The following CDC42BPB variants were observed in gnomAD, a reference collection of about 807,000 sequenced individuals.
The protein encoded by CDC42BPB is serine/threonine-protein kinase MRCK beta.
Under a neutral mutation model 214.9 loss-of-function variants are expected in CDC42BPB, and 37 were observed. The ratio of observed to expected loss-of-function variants is 0.17; its 90% CI spans 0.13 to 0.23. CDC42BPB has a LOEUF of 0.23. CDC42BPB is among the 10% of genes least tolerant of loss of function. The pLI is 1.00. For synonymous variants in CDC42BPB, 931 were observed against 884.0 expected (o/e 1.05, Z -0.94); for missense variants, 1,694 against 2,227.0 (o/e 0.76, Z 4.82).
chr14:103,028,892 T>C (rs887425723), intron 1 of CDC42BPB, among the ~76,000 whole-genome samples: 2 of 152,236 alleles, frequency 1.3e-5, no homozygotes, highest in African/African-American at 4.8e-5. Flanking sequence ...TTTTTCATCC[T>C]AGCATAGATC....
intron 6 of CDC42BPB, chr14:102,986,219 C>CAAG (rs1894242481): frequency 7.2e-5 from 27 of 374,078 alleles, no homozygotes; most frequent in South Asian, 4.7e-4. Flanking sequence ...TTTTAGCCAC[C>CAAG]TTGGGATTGA....
chr14:103,008,917 G>A (rs778981224), intron 2 of CDC42BPB, among the ~76,000 whole-genome samples: 2 of 152,212 alleles, frequency 1.3e-5, no homozygotes, highest in Admixed American at 6.5e-5. Context: ...CACTCAGCGC[G>A]CGGCCACCAG....
chr14:103,040,923 G>A (rs1887953883), intron 1 of CDC42BPB, among the ~76,000 whole-genome samples: 1 of 152,148 alleles, frequency 6.6e-6, no homozygotes, highest in Non-Finnish European at 1.5e-5. Context: ...CTGACAAGCT[G>A]TTCCTAAAAT....
At chr14:102,938,871 A>G (rs1028604101) in intron 34 of CDC42BPB, among the ~76,000 whole-genome samples, 1 of 150,804 alleles carries the variant, frequency 6.6e-6, no homozygotes, top group African/African-American at 2.4e-5. Context: ...CAGGTGATCC[A>G]CTCACTGTGG....
Position 102,954,703 on chromosome 14 carries a change from A to C in CDC42BPB, c.2902-15T>G. 2 of 1,610,658 alleles carry C rather than the reference A, an allele frequency of 1.2e-6. No homozygotes were observed. Among genetic ancestry groups the C allele is most frequent in the Non-Finnish European group, 1.7e-6 (2 of 1,177,542 alleles). Reference sequence around the variant, plus strand: ...GCTGAGCTGGTCTGTGAGAACCAAGAAAGAAAGAGTGGGGTGAAAGGACAT... The same window carrying C: ...GCTGAGCTGGTCTGTGAGAACCAAGCAAGAAAGAGTGGGGTGAAAGGACAT... On this transcript the variant is annotated splice_polypyrimidine_tract_variant and intron_variant, in intron 21 of 36. Transcript: ENST00000361246.
chr14:103,051,515 C>G, intron 1 of CDC42BPB, among the ~76,000 whole-genome samples: 1 of 151,664 alleles, frequency 6.6e-6, no homozygotes, highest in East Asian at 1.9e-4. Flanking sequence ...ATTAACAGTC[C>G]TGTGTGCCTG....
At chr14:103,042,183 A>C in intron 1 of CDC42BPB, 1 of 157,406 alleles carries the variant, frequency 6.4e-6, no homozygotes, top group South Asian at 1.9e-4. Context: ...TGTGCTTCAA[A>C]GGATACCATC....
rs768137091 is a variant in CDC42BPB, at chr14:102,944,509, C to A, written c.3812-22G>T. 2.5e-6 allele frequency: 4 copies of A among 1,595,704 alleles called. No homozygotes were observed. Among genetic ancestry groups the A allele is most frequent in the Non-Finnish European group, 3.4e-6 (4 of 1,168,812 alleles). The stretch of plus-strand genomic sequence containing the variant: ...ATCACTGTGGCAAGGAGGACAAGAG[C>A]GTGAGGCCGACGGGACAGCCAGCAG... On this transcript the variant is annotated intron_variant, in intron 29 of 36. Coordinates refer to ENST00000361246, the MANE Select transcript of CDC42BPB (RefSeq NM_006035.4). The surrounding 1 kb of genome is among the most constrained non-coding windows in gnomAD (Gnocchi z 6.6).
chr14:103,016,972 C>T (rs111308615), intron 1 of CDC42BPB, among the ~76,000 whole-genome samples: 2 of 152,196 alleles, frequency 1.3e-5, no homozygotes, highest in African/African-American at 2.4e-5. Context: ...GCAGCCGGTG[C>T]CCAGAAGTGA....
At chr14:102,950,757 G>C in intron 24 of CDC42BPB, 155 bp from the exon 25 acceptor site, 1 of 876,686 alleles carries the variant, frequency 1.1e-6, no homozygotes, top group Non-Finnish European at 1.4e-6. Context: ...CTTGAGGTCA[G>C]CAGTTTGAGA....
chr14:103,057,116 G>T lies in CDC42BPB; in HGVS notation c.58C>A (p.Arg20Ser). ...TCCACGCTCAGGGCGCTCTCGTTGC[G>T]CCAGGGCCCGTCCAGGAGCAGCTGC... ...LEQLLLDGPW[R>S]NESALSVETL... Residue 20 changes from arginine to serine, a missense_variant, in exon 1 of 37, where the codon CGC becomes AGC. Around this residue, in one of 7 missense-constraint regions of CDC42BPB, gnomAD observed 83 missense variants for 79.9 expected, o/e 1.04. Coordinates refer to ENST00000361246, the MANE Select transcript of CDC42BPB (RefSeq NM_006035.4). The T allele has an allele frequency of 6.6e-7, 1 of 1,519,644 alleles. No individual in the cohort carries two copies. The highest frequency in any genetic ancestry group is 1.2e-5 in the South Asian group (1 of 81,494). 94.1% of individuals were successfully genotyped at this position (1,519,644 alleles called of 1,614,324 possible). A position where few individuals can be genotyped will look rare whatever the true frequency, so the allele number is the denominator to read the frequency against.
At chr14:103,020,114 C>A (rs373857085) in intron 1 of CDC42BPB, among the ~76,000 whole-genome samples, 4 of 152,234 alleles carry the variant, frequency 2.6e-5, no homozygotes, top group Non-Finnish European at 5.9e-5. Context: ...TCTCCGCCTC[C>A]CCCTGGATGG....
At position 103,008,505 on chromosome 14, in the gene CDC42BPB, G is replaced by T. The variant is rs373209861; in HGVS notation, c.318C>A (p.Ile106=). Residue 106 remains isoleucine (I), a synonymous_variant, in exon 3 of 37, where the codon ATC becomes ATA. Coordinates refer to ENST00000361246, the MANE Select transcript of CDC42BPB (RefSeq NM_006035.4). ...TTTTCAGCATCTCCCACTTGTTGAG[G>T]ATTTTCATTGCATAAATTCGTTCAG... ...KNTERIYAMK[I]LNKWEMLKRA... 1 of 1,612,332 alleles carries T rather than the reference G, an allele frequency of 6.2e-7. No individual in the cohort carries two copies. Among genetic ancestry groups the T allele is most frequent in the South Asian group, 1.1e-5 (1 of 91,040 alleles).
intron 3 of CDC42BPB, among the ~76,000 whole-genome samples, chr14:103,005,036 T>C (rs1003259083): frequency 1.3e-5 from 2 of 150,920 alleles, no homozygotes; most frequent in Non-Finnish European, 3.0e-5. Context: ...GGTGTGGTGG[T>C]GGGCGCCTGT....
chr14:103,023,230 C>A (rs538664509), intron 1 of CDC42BPB, among the ~76,000 whole-genome samples: 37 of 150,594 alleles, frequency 2.5e-4, no homozygotes, highest in African/African-American at 7.3e-4. Flanking sequence ...TGCACTGGCG[C>A]GATCTCGGCT....
chr14:103,005,210 C>T (rs1433739090), intron 3 of CDC42BPB, among the ~76,000 whole-genome samples: 1 of 149,938 alleles, frequency 6.7e-6, no homozygotes, highest in Non-Finnish European at 1.5e-5. Flanking sequence ...ATAATTTTAA[C>T]ATGATTTCCT....
At chr14:103,010,774 G>A (rs1196610963) in intron 2 of CDC42BPB, among the ~76,000 whole-genome samples, 1 of 152,244 alleles carries the variant, frequency 6.6e-6, no homozygotes, top group Non-Finnish European at 1.5e-5. Context: ...GCTCACGCCT[G>A]TAATCCCAGC....
chr14:102,937,571 T>C (rs1342405225), intron 36 of CDC42BPB, among the ~76,000 whole-genome samples: 1 of 145,636 alleles, frequency 6.9e-6, no homozygotes, highest in Non-Finnish European at 1.5e-5. Context: ...CCCTCAGCAC[T>C]GCAGCTCCTC....
intron 9 of CDC42BPB, among the ~76,000 whole-genome samples, chr14:102,977,539 C>T (rs1009198915): frequency 2.6e-5 from 4 of 152,108 alleles, no homozygotes; most frequent in Non-Finnish European, 4.4e-5. Flanking sequence ...GGTGGACCAT[C>T]TCAGGCGACA....
Sources: gnomAD v4.1 joint callset for allele counts (sites outside exome capture counted in the v4.1 genomes callset) on GRCh38, gnomAD v4.1.1 for gene constraint, gnomAD v4.1.1 regional missense constraint, Gnocchi (gnomAD v3.1) non-coding constraint, MANE v1.5 for transcripts, NCBI Gene and HGNC (gene_info 2026-07-23, HGNC 2026-07-21) for gene names.